MS4A4E: variants seen among roughly 807,000 people sequenced by gnomAD.
MS4A4E encodes the protein membrane spanning 4-domains A4E.
MS4A4E carries 23 observed loss-of-function variants against 13.3 expected under a neutral mutation model. That is an observed-to-expected ratio of 1.73 (90% CI 1.25 to 2.45). MS4A4E has a LOEUF of 2.45. Ranked by LOEUF, MS4A4E falls within the 30% of genes most tolerant of loss-of-function variation. The pLI, the probability that MS4A4E is intolerant of heterozygous loss-of-function variation, is 0.00. For missense variants in MS4A4E, 144 were observed against 131.2 expected, an observed-to-expected ratio of 1.10 and a Z score of -0.48; for synonymous variants, 36 against 45.6, an observed-to-expected ratio of 0.79 and a Z score of 0.85.
At chr11:60,239,731 G>A (rs2084526098) in intron 1 of MS4A4E, among the ~76,000 whole-genome samples, 1 of 152,140 alleles carries the variant, frequency 6.6e-6, no homozygotes, top group South Asian at 2.1e-4. Flanking sequence ...AGTTTATGAG[G>A]TGACTTACAT....
Position 60,230,051 on chromosome 11 carries a change from G to A in MS4A4E, c.5C>T (p.Thr2Ile). MTTMQGMEQTTP... is the reference protein window; with the variant it reads MITMQGMEQTTP... ...GGTCTGTTCCATTCCTTGCATGGTT[G>A]TCATGGCAGCAGAAAAGGTGCTACA... is the stretch of plus-strand genomic sequence containing the variant. The change falls in exon 2 of 9, where the codon ACA (threonine) becomes ATA (isoleucine). Residue 2 changes from threonine to isoleucine, a missense_variant. Physicochemically the swap from Thr to Ile is moderately conservative, Grantham distance 89 (BLOSUM62 -1). Coordinates refer to ENST00000651255, the MANE Select transcript of MS4A4E (RefSeq NM_001393391.1). 1 of 1,584,972 alleles carries A rather than the reference G, an allele frequency of 6.3e-7. No individual in the cohort carries two copies. Among genetic ancestry groups the A allele is most frequent in the East Asian group, 2.3e-5 (1 of 43,310 alleles).
At chr11:60,213,216 T>A in intron 4 of MS4A4E, 84 bp from the exon 5 acceptor site, 2 of 1,376,660 alleles carry the variant, frequency 1.5e-6, no homozygotes, top group Non-Finnish European at 2.0e-6. Context: ...GCTGTCTACC[T>A]TTATCTTATT....
At chr11:60,204,402 TG>T (rs1232932791) in intron 8 of MS4A4E, among the ~76,000 whole-genome samples, 2 of 152,236 alleles carry the variant, frequency 1.3e-5, no homozygotes, top group African/African-American at 4.8e-5. Context: ...TGCTCGTCTG[TG>T]AGCAAATTAC....
intron 1 of MS4A4E, among the ~76,000 whole-genome samples, chr11:60,230,802 C>G (rs1157019523): frequency 6.6e-6 from 1 of 152,174 alleles, no homozygotes; most frequent in African/African-American, 2.4e-5. Context: ...TAGGCTAAAG[C>G]CACATGGAAA....
Position 60,208,759 on chromosome 11 carries a change from C to T in MS4A4E, c.382-65G>A, listed in dbSNP as rs527871242. ...GATGACAAGTGAAAACATTTCCCAGCAACCACAGTGTCATAAGAGAAAAAG... is the reference window on the plus strand; with the variant it reads ...GATGACAAGTGAAAACATTTCCCAGTAACCACAGTGTCATAAGAGAAAAAG... On this transcript the variant is annotated intron_variant, in intron 5 of 8. Coordinates refer to ENST00000651255, the MANE Select transcript of MS4A4E (RefSeq NM_001393391.1). 10 of 684,634 alleles carry T rather than the reference C, an allele frequency of 1.5e-5. No homozygotes were observed. In the Middle Eastern group the frequency reaches 1.3e-3, roughly 90 times the overall value. 42.4% of individuals were successfully genotyped at this position (684,634 alleles called of 1,614,324 possible).
intron 1 of MS4A4E, among the ~76,000 whole-genome samples, chr11:60,236,087 T>C (rs1384293251): frequency 6.6e-6 from 1 of 152,206 alleles, no homozygotes; most frequent in Admixed American, 6.5e-5. Context: ...AATATAGAGG[T>C]TTATTTCTAG....
At chr11:60,232,321 A>ACACACACACCCC (rs556719466) in intron 1 of MS4A4E, among the ~76,000 whole-genome samples, 4 of 147,324 alleles carry the variant, frequency 2.7e-5, no homozygotes, top group African/African-American at 1.0e-4. Flanking sequence ...ACACACACAC[A>ACACACACACCCC]CCAAAAATGA....
chr11:60,230,243 GGA>G (rs148003605), intron 1 of MS4A4E, among the ~76,000 whole-genome samples, 172 bp from the exon 2 acceptor site: 115 of 149,006 alleles, frequency 7.7e-4, no homozygotes, highest in Non-Finnish European at 8.5e-4. Context: ...AGTGGGGGGT[GGA>G]GAGAGAGAGA....
Position 60,229,770 on chromosome 11 carries a change from A to C in MS4A4E, c.144+142T>G, listed in dbSNP as rs954391612. On this transcript the variant is annotated intron_variant, in intron 2 of 8. Transcript: ENST00000651255. ...AGAATATTATATATTTTTTCAAAGA[A>C]AGGGCCTGAAATTAAATTCTGATGT... 7 of 729,790 alleles carry C rather than the reference A, an allele frequency of 9.6e-6. No homozygotes were observed. The African/African-American group carries it at 1.3e-4, about 14-fold the overall frequency. 45.2% of individuals were successfully genotyped at this position (729,790 alleles called of 1,614,324 possible). A position where few individuals can be genotyped will look rare whatever the true frequency, so the allele number is the denominator to read the frequency against.
At chr11:60,227,570 T>A (rs1428552695) in intron 3 of MS4A4E, among the ~76,000 whole-genome samples, 2 of 151,480 alleles carry the variant, frequency 1.3e-5, no homozygotes, top group Non-Finnish European at 2.9e-5. Context: ...ATATATATAT[T>A]AGCAAATTAT....
At chr11:60,228,462 T>C (rs964615721) in intron 3 of MS4A4E, 132 bp downstream of exon 3, 10 of 531,068 alleles carry the variant, frequency 1.9e-5, no homozygotes, top group African/African-American at 7.7e-5. Flanking sequence ...CTAGCAATTA[T>C]GTAGAACAGC....
intron 3 of MS4A4E, among the ~76,000 whole-genome samples, chr11:60,227,553 A>AATAT (rs372169588): frequency 1.1e-4 from 17 of 150,214 alleles, no homozygotes; most frequent in South Asian, 8.4e-4. Flanking sequence ...TCCATCTCAA[A>AATAT]ATATATATAT....
chr11:60,205,309 AG>A (rs2084025451), intron 7 of MS4A4E, among the ~76,000 whole-genome samples: 1 of 152,214 alleles, frequency 6.6e-6, no homozygotes, highest in South Asian at 2.1e-4. Context: ...GTCCCATAAA[AG>A]TTTAACCTAC....
At chr11:60,214,410 A>G (rs1489803407) in intron 4 of MS4A4E, among the ~76,000 whole-genome samples, 161 bp downstream of exon 4, 1 of 152,174 alleles carries the variant, frequency 6.6e-6, no homozygotes, top group Non-Finnish European at 1.5e-5. Context: ...TAATTCTATC[A>G]TTAGCCTTAT....
intron 1 of MS4A4E, among the ~76,000 whole-genome samples, chr11:60,239,084 A>G (rs2084517682): frequency 6.6e-6 from 1 of 152,256 alleles, no homozygotes; most frequent in East Asian, 1.9e-4. Context: ...ATAAATGTGC[A>G]AATAAAAGAG....
At chr11:60,241,318 C>A (rs947347457) in intron 1 of MS4A4E, among the ~76,000 whole-genome samples, 1 of 152,186 alleles carries the variant, frequency 6.6e-6, no homozygotes, top group African/African-American at 2.4e-5. Context: ...GCCACCGCAC[C>A]CGGCCTATTC....
intron 1 of MS4A4E, among the ~76,000 whole-genome samples, chr11:60,233,935 C>A (rs1193528969): frequency 6.6e-6 from 1 of 152,194 alleles, no homozygotes; most frequent in African/African-American, 2.4e-5. Flanking sequence ...AGGGTCATGT[C>A]TGAGGGCCCC....
chr11:60,225,872 T>A (rs943764602), intron 3 of MS4A4E, among the ~76,000 whole-genome samples: 9 of 150,906 alleles, frequency 6.0e-5, no homozygotes, highest in East Asian at 1.9e-4. Flanking sequence ...ATGCTTTTTT[T>A]TAAAAAAAAG....
intron 8 of MS4A4E, among the ~76,000 whole-genome samples, chr11:60,204,496 T>A (rs2084017039): frequency 6.6e-6 from 1 of 152,186 alleles, no homozygotes; most frequent in South Asian, 2.1e-4. Flanking sequence ...ACATTTCCAA[T>A]CAAATTACTC....
Sources: allele counts gnomAD v4.1 joint callset (sites outside exome capture counted in the v4.1 genomes callset), GRCh38; gene constraint gnomAD v4.1.1; transcripts MANE v1.5; gene names NCBI Gene and HGNC (gene_info 2026-07-23, HGNC 2026-07-21).